Variants in PCDHGA7 observed in about 807,000 individuals in gnomAD.
PCDHGA7 encodes protocadherin gamma subfamily A, 7.
In PCDHGA7, 44 loss-of-function variants were observed where a neutral mutation model predicts 58.3. The observed-to-expected ratio is 0.75, with a 90% CI of 0.59 to 0.97. The LOEUF (loss-of-function observed/expected upper bound fraction) is 0.97. PCDHGA7 is among the 50% of genes least tolerant of loss of function. PCDHGA7 has a pLI of 0.00. For missense variants in PCDHGA7, 1,266 were observed against 1,188.7 expected, an observed-to-expected ratio of 1.06 and a Z score of -0.96; for synonymous variants, 516 against 504.2, an observed-to-expected ratio of 1.02 and a Z score of -0.31.
chr5:141,406,375 T>C (rs1427638211), intron 1 of PCDHGA7, among the ~76,000 whole-genome samples: 1 of 152,186 alleles, frequency 6.6e-6, no homozygotes, highest in Non-Finnish European at 1.5e-5. Flanking sequence ...GGTAAACTGA[T>C]AAAAAGGTAA....
intron 1 of PCDHGA7, chr5:141,423,815 C>G (rs1002418139): frequency 7.9e-7 from 1 of 1,271,358 alleles, no homozygotes; most frequent in African/African-American, 1.6e-5. Context: ...GTGAGTTTTA[C>G]TTTGCCTTTC....
chr5:141,425,490 G>T (rs2096878933), intron 1 of PCDHGA7, among the ~76,000 whole-genome samples: 1 of 152,122 alleles, frequency 6.6e-6, no homozygotes, highest in Non-Finnish European at 1.5e-5. Context: ...AACCTACTAG[G>T]CTATACCTTT....
intron 1 of PCDHGA7, chr5:141,409,250 A>G: frequency 6.2e-7 from 1 of 1,614,024 alleles, no homozygotes; most frequent in Non-Finnish European, 8.5e-7. Flanking sequence ...AATAATCATC[A>G]CTTCTCTCTC....
intron 1 of PCDHGA7, chr5:141,418,388 T>C: frequency 6.2e-7 from 1 of 1,613,942 alleles, no homozygotes; most frequent in Non-Finnish European, 8.5e-7. Flanking sequence ...TCCTAACGAG[T>C]ATTTCTCATT....
intron 1 of PCDHGA7, chr5:141,398,042 T>C: frequency 6.7e-7 from 1 of 1,495,000 alleles, no homozygotes; most frequent in East Asian, 2.4e-5. Context: ...CTAAAGCCCG[T>C]TCGGAGATCC....
In PCDHGA7 at chr5:141,472,994, A is replaced by G. The variant is rs188075835; in HGVS notation, c.2425-21813A>G. Among the ~76,000 whole-genome samples, 1,141 of 151,802 alleles carry G rather than the reference A, an allele frequency of 7.5e-3. 5 individuals carry two copies. The highest frequency in any genetic ancestry group is 0.017 in the Middle Eastern group (5 of 294). ...AGAGTGAAACTCAAAAAAAAAAAAA[A>G]AAAGAAAGAAAAAGAAAAAGAAAGA... On this transcript the variant is annotated intron_variant, in intron 1 of 3. Transcript: ENST00000518325.
chr5:141,463,615 A>G (rs1336539466), intron 1 of PCDHGA7, among the ~76,000 whole-genome samples: 1 of 151,408 alleles, frequency 6.6e-6, no homozygotes, highest in Admixed American at 6.6e-5. Context: ...TGCCCGGCTA[A>G]TTTTTTGTAT....
chr5:141,389,924 T>A (rs749120978), intron 1 of PCDHGA7: 13 of 1,614,062 alleles, frequency 8.1e-6, no homozygotes, highest in Non-Finnish European at 1.0e-5. Flanking sequence ...CCGACCCCTC[T>A]GACCTCCAGG....
At chr5:141,433,235 C>T (rs1307904588) in intron 1 of PCDHGA7, 13 of 1,509,616 alleles carry the variant, frequency 8.6e-6, no homozygotes, top group Non-Finnish European at 1.1e-5. Context: ...GCTCTGTCTC[C>T]CAAGCTGGAA....
chr5:141,421,731 C>A (rs73792198), intron 1 of PCDHGA7: 144,261 of 1,613,668 alleles, frequency 0.089, 7,407 homozygotes, highest in African/African-American at 0.18. Flanking sequence ...TGAACTCCCT[C>A]CAGAGCTACC....
intron 1 of PCDHGA7, chr5:141,391,637 G>T (rs2092401462): frequency 1.3e-5 from 2 of 152,192 alleles, no homozygotes; most frequent in Admixed American, 6.5e-5. Flanking sequence ...TTTAGTCAGT[G>T]AAAAAACTAT....
Position 141,386,707 on chromosome 5 carries a change from T to C in PCDHGA7, c.2424+1384T>C, listed in dbSNP as rs577728957. Among the ~76,000 whole-genome samples, 44 of 152,320 alleles carry C rather than the reference T, an allele frequency of 2.9e-4. No homozygotes were observed. The South Asian group carries it at 9.1e-3, about 32-fold the overall frequency. On this transcript the variant is annotated intron_variant, in intron 1 of 3. Transcript: ENST00000518325. ...AATCACTTGGGGTAGAAGACAATGT[T>C]GCTGACACCAACAATGTTACTGAGG... is the stretch of plus-strand genomic sequence containing the variant.
At chr5:141,435,026 C>T (rs977017371) in intron 1 of PCDHGA7, among the ~76,000 whole-genome samples, 1 of 151,978 alleles carries the variant, frequency 6.6e-6, no homozygotes, top group Non-Finnish European at 1.5e-5. Flanking sequence ...GCTCTTTTCC[C>T]ACTTTTATTT....
intron 1 of PCDHGA7, chr5:141,404,476 C>T (rs1453332441): frequency 6.2e-7 from 1 of 1,613,362 alleles, no homozygotes; most frequent in South Asian, 1.1e-5. Context: ...TCTCTATTAA[C>T]TCAGACACTG....
intron 1 of PCDHGA7, among the ~76,000 whole-genome samples, chr5:141,460,961 A>ATATGTGTGTGTG (rs1463306338): frequency 4.1e-5 from 6 of 144,616 alleles, no homozygotes; most frequent in Admixed American, 1.4e-4. Flanking sequence ...GTATATATAT[A>ATATGTGTGTGTG]TGTGTGTGTG....
intron 1 of PCDHGA7, chr5:141,410,284 G>A (rs2095374455): frequency 1.2e-6 from 2 of 1,613,990 alleles, no homozygotes; most frequent in Non-Finnish European, 1.7e-6. Flanking sequence ...ACCTGGTGGT[G>A]GCCTTGGCCT....
chr5:141,455,919 A>T, intron 1 of PCDHGA7, among the ~76,000 whole-genome samples: 1 of 145,568 alleles, frequency 6.9e-6, no homozygotes, highest in Non-Finnish European at 1.5e-5. Context: ...TTATTTTGAG[A>T]CGGAGTCTCG....
At chr5:141,410,170 C>A in intron 1 of PCDHGA7, 1 of 1,613,828 alleles carries the variant, frequency 6.2e-7, no homozygotes, top group African/African-American at 1.3e-5. Context: ...CACTCTCTGC[C>A]ACCGCCACGC....
intron 2 of PCDHGA7, among the ~76,000 whole-genome samples, chr5:141,496,097 A>C (rs1329818315): frequency 6.6e-6 from 1 of 151,148 alleles, no homozygotes; most frequent in Non-Finnish European, 1.5e-5. Context: ...CCACCCACCA[A>C]CACCCCGCTC....
Sources: allele counts gnomAD v4.1 joint callset (sites outside exome capture counted in the v4.1 genomes callset), GRCh38; gene constraint gnomAD v4.1.1; transcripts MANE v1.5; gene names NCBI Gene and HGNC (gene_info 2026-07-23, HGNC 2026-07-21).